Variants in GTF3C1 observed in about 807,000 individuals in gnomAD.
GTF3C1 encodes the protein general transcription factor IIIC subunit 1.
GTF3C1 carries 57 observed loss-of-function variants against 226.7 expected under a neutral mutation model. That is an observed-to-expected ratio of 0.25 (90% CI 0.20 to 0.31). The LOEUF (loss-of-function observed/expected upper bound fraction) is 0.31, where lower values mean the gene tolerates loss of function less well. GTF3C1 is among the 10% of genes least tolerant of loss of function. GTF3C1 has a pLI of 1.00. For synonymous variants in GTF3C1, 1,090 were observed against 1,084.8 expected (o/e 1.00, Z -0.09); for missense variants, 2,217 against 2,776.1 (o/e 0.80, Z 4.53).
chr16:27,482,571 G>A (rs1286854438), intron 26 of GTF3C1: 3 of 456,154 alleles, frequency 6.6e-6, no homozygotes, highest in South Asian at 3.1e-5. Context: ...CTTGGCACAA[G>A]TCCTGCCACA....
chr16:27,466,533 A>G (rs541116018), intron 32 of GTF3C1, among the ~76,000 whole-genome samples: 1 of 152,198 alleles, frequency 6.6e-6, no homozygotes, highest in African/African-American at 2.4e-5. Context: ...AAGTCAGGCC[A>G]GTCAATAACC....
At chr16:27,465,731 C>T (rs2087778704) in intron 32 of GTF3C1, 191 bp from the exon 33 acceptor site, 3 of 596,338 alleles carry the variant, frequency 5.0e-6, no homozygotes, top group Admixed American at 5.9e-5. Flanking sequence ...GACCCTAGGC[C>T]TCTGACTACA....
intron 5 of GTF3C1, among the ~76,000 whole-genome samples, chr16:27,531,147 T>G (rs2088911074): frequency 6.6e-6 from 1 of 152,020 alleles, no homozygotes; most frequent in Non-Finnish European, 1.5e-5. Flanking sequence ...GGCTAATAAC[T>G]TCTTCATTTC....
intron 2 of GTF3C1, among the ~76,000 whole-genome samples, chr16:27,539,777 G>C (rs2089055249): frequency 6.6e-6 from 1 of 152,168 alleles, no homozygotes; most frequent in South Asian, 2.1e-4. Flanking sequence ...TTTATCGTGG[G>C]AGTGGGTTAG....
At chr16:27,496,035 C>T (rs947152468) in intron 14 of GTF3C1, among the ~76,000 whole-genome samples, 3 of 152,130 alleles carry the variant, frequency 2.0e-5, no homozygotes, top group Non-Finnish European at 4.4e-5. Flanking sequence ...AGGTGGGAGG[C>T]GTCTGGGTAT....
intron 4 of GTF3C1, among the ~76,000 whole-genome samples, chr16:27,537,215 T>C (rs147033463): frequency 6.6e-6 from 1 of 152,250 alleles, no homozygotes; most frequent in African/African-American, 2.4e-5. Context: ...CTGACTTACT[T>C]GTATTTTTAC....
chr16:27,516,457 C>T (rs769201055), intron 6 of GTF3C1, among the ~76,000 whole-genome samples: 4 of 152,208 alleles, frequency 2.6e-5, no homozygotes, highest in African/African-American at 4.8e-5. Context: ...ATGGGATCTG[C>T]GGCTCTGCCT....
chr16:27,514,260 G>A (rs114798439), intron 6 of GTF3C1, among the ~76,000 whole-genome samples: 1,825 of 152,324 alleles, frequency 0.012, 48 homozygotes, highest in African/African-American at 0.041. Context: ...CCCCGCCGGG[G>A]CTCCTGCCGT....
At chr16:27,533,006 C>T (rs2088943873) in intron 5 of GTF3C1, among the ~76,000 whole-genome samples, 1 of 152,100 alleles carries the variant, frequency 6.6e-6, no homozygotes, top group Non-Finnish European at 1.5e-5. Context: ...GTGGCGGGCA[C>T]CTGTAATCCC....
intron 16 of GTF3C1, among the ~76,000 whole-genome samples, chr16:27,493,654 C>T (rs1299082566): frequency 6.6e-6 from 1 of 152,206 alleles, no homozygotes; most frequent in Non-Finnish European, 1.5e-5. Context: ...GATTCTGCTC[C>T]TATCCTTACC....
chr16:27,464,685 G>C lies in GTF3C1; in HGVS notation c.5507C>G (p.Pro1836Arg). Residue 1836 changes from proline to arginine, a missense_variant, in exon 34 of 37, where the codon CCC becomes CGC. By Grantham distance (103) the Pro-to-Arg change is moderately radical. Transcript: ENST00000356183. Reference protein sequence around the residue: ...DIQREDPQARPLEGSSSEDSP... With the variant: ...DIQREDPQARRLEGSSSEDSP... ...GTCCTCACTGGAAGACCCCTCCAGG[G>C]GTCTGGCCTGGGGGTCTTCTCTCTG... 3 of 1,591,680 alleles carry C rather than the reference G, an allele frequency of 1.9e-6. No homozygotes were observed. Among genetic ancestry groups the C allele is most frequent in the Non-Finnish European group, 2.6e-6 (3 of 1,173,718 alleles).
At chr16:27,546,770 A>G (rs966619796) in intron 1 of GTF3C1, among the ~76,000 whole-genome samples, 24 of 151,080 alleles carry the variant, frequency 1.6e-4, no homozygotes, top group African/African-American at 5.8e-4. Flanking sequence ...TTAACCCTCC[A>G]TTCCTTTTTT....
At chr16:27,537,724 A>G in intron 4 of GTF3C1, 60 bp downstream of exon 4, 1 of 1,267,008 alleles carries the variant, frequency 7.9e-7, no homozygotes, top group East Asian at 2.3e-5. Context: ...ACAATTTTTA[A>G]AGCATACTAC....
At position 27,461,584 on chromosome 16, in the gene GTF3C1, GT is replaced by G; in HGVS notation, c.6118-23del. The G allele has an allele frequency of 6.4e-7, 1 of 1,564,030 alleles. No homozygotes were observed. The highest frequency in any genetic ancestry group is 8.8e-7 in the Non-Finnish European group (1 of 1,135,856). Reference sequence around the variant, plus strand: ...GGCCCTGGAGACACCAGACACACAGGTTACAGCGGCACTGCCCTCGCCTGCT... The same window carrying G: ...GGCCCTGGAGACACCAGACACACAGGTACAGCGGCACTGCCCTCGCCTGCT... On this transcript the variant is annotated intron_variant, in intron 36 of 36. Coordinates refer to ENST00000356183, the MANE Select transcript of GTF3C1 (RefSeq NM_001520.4). This position sits in a 1 kb window ranked among gnomAD's most constrained non-coding sequence, Gnocchi z 5.3.
chr16:27,497,997 G>A (rs1196688386), intron 13 of GTF3C1, among the ~76,000 whole-genome samples, 176 bp from the exon 14 acceptor site: 3 of 152,184 alleles, frequency 2.0e-5, no homozygotes, highest in Non-Finnish European at 4.4e-5. Flanking sequence ...AAACTTTTGG[G>A]GGTGGTGGGG....
chr16:27,533,404 G>C lies in GTF3C1; in HGVS notation c.753-17C>G. ...TTGCTCCTCCTGCAAGAAACACCGA[G>C]CAATTCGTTTTTTCAAACCTGTTGC... On this transcript the variant is annotated splice_polypyrimidine_tract_variant and intron_variant, in intron 4 of 36. Transcript: ENST00000356183. 6.8e-7 allele frequency: 1 copy of C among 1,465,294 alleles called. No homozygotes were observed. Among genetic ancestry groups the C allele is most frequent in the Non-Finnish European group, 9.6e-7 (1 of 1,045,288 alleles). 90.8% of individuals were successfully genotyped at this position (1,465,294 alleles called of 1,614,324 possible).
chr16:27,511,986 C>CG, intron 6 of GTF3C1, 85 bp from the exon 7 acceptor site: 3 of 1,454,970 alleles, frequency 2.1e-6, no homozygotes, highest in Non-Finnish European at 2.8e-6. Flanking sequence ...TATCACAGCA[C>CG]ATGTCAGCAG....
At chr16:27,472,499 C>T (rs144539196) in intron 29 of GTF3C1, among the ~76,000 whole-genome samples, 341 of 152,294 alleles carry the variant, frequency 2.2e-3, no homozygotes, top group Non-Finnish European at 3.5e-3. Flanking sequence ...CACATTCCTG[C>T]CCTGCCTCAA....
At chr16:27,526,219 C>T (rs1253357318) in intron 6 of GTF3C1, among the ~76,000 whole-genome samples, 1 of 152,198 alleles carries the variant, frequency 6.6e-6, no homozygotes, top group Non-Finnish European at 1.5e-5. Context: ...GTTGGAAGAG[C>T]CAAATGGTTC....
Sources: allele counts gnomAD v4.1 joint callset (sites outside exome capture counted in the v4.1 genomes callset), GRCh38; gene constraint gnomAD v4.1.1; non-coding constraint Gnocchi (gnomAD v3.1); transcripts MANE v1.5; gene names NCBI Gene and HGNC (gene_info 2026-07-23, HGNC 2026-07-21).